The following SOX8 variants were observed in gnomAD, a reference collection of about 807,000 sequenced individuals.
SOX8 encodes SRY-box transcription factor 8.
Under a neutral mutation model 22.9 loss-of-function variants are expected in SOX8, and 9 were observed. The ratio of observed to expected loss-of-function variants is 0.39; its 90% CI spans 0.24 to 0.69. SOX8 has a LOEUF of 0.69. Ranked by LOEUF, SOX8 falls within the 30% of genes least tolerant of loss-of-function variation. The pLI is 0.43. For synonymous variants in SOX8, 416 were observed against 330.6 expected (o/e 1.26, Z -2.80); for missense variants, 734 against 699.4 (o/e 1.05, Z -0.56).
At chr16:982,946 T>G (rs1478345500) in intron 1 of SOX8, 1 of 152,432 alleles carries the variant, frequency 6.6e-6, no homozygotes, top group Non-Finnish European at 1.5e-5. Context: ...CTTGGCGTGG[T>G]GGGGCCGGTC....
chr16:984,079 C>A, intron 2 of SOX8, 119 bp downstream of exon 2: 1 of 916,550 alleles, frequency 1.1e-6, no homozygotes, highest in Non-Finnish European at 1.5e-6. Context: ...AGAACCGGGC[C>A]TTCCCCGGGT....
chr16:984,503 A>C (rs71380229), intron 2 of SOX8, among the ~76,000 whole-genome samples, 198 bp from the exon 3 acceptor site: 12,923 of 152,182 alleles, frequency 0.085, 641 homozygotes, highest in African/African-American at 0.1. Context: ...CTCATAGCAC[A>C]GCGCTTCATG....
chr16:983,539 C>G (rs1405859079), intron 1 of SOX8, 189 bp from the exon 2 acceptor site: 2 of 502,092 alleles, frequency 4.0e-6, no homozygotes, highest in Non-Finnish European at 7.0e-6. Flanking sequence ...CCCAAACAGG[C>G]GCCGGCCGGT....
chr16:982,284 C>T lies in SOX8; in HGVS notation c.362C>T (p.Ala121Val). The change falls in exon 1 of 3, where the codon GCC becomes GTC. Residue 121 changes from alanine to valine, a missense_variant. Coordinates refer to ENST00000293894, the MANE Select transcript of SOX8 (RefSeq NM_014587.5). ...VWAQAARRKL[A>V]DQYPHLHNAE... ...GCGCAGGCGGCGCGCCGCAAGCTGG[C>T]CGACCAGTACCCGCACCTGCACAAC... 2 of 1,517,654 alleles carry T rather than the reference C, an allele frequency of 1.3e-6. No individual in the cohort carries two copies. The highest frequency in any genetic ancestry group is 8.8e-7 in the Non-Finnish European group (1 of 1,133,826). The allele number at this position is 1,517,654 out of a possible 1,614,324, so 94.0% of individuals were successfully genotyped here. A position where few individuals can be genotyped will look rare whatever the true frequency, so the allele number is the denominator to read the frequency against.
intron 2 of SOX8, 75 bp from the exon 3 acceptor site, chr16:984,626 C>T: frequency 1.3e-5 from 12 of 942,772 alleles, no homozygotes; most frequent in Non-Finnish European, 1.7e-5. Flanking sequence ...GGCGTCCCTC[C>T]CCTTCCAGCC....
chr16:983,890 C>A lies in SOX8; in HGVS notation c.585C>A (p.His195Gln), dbSNP rs372775697. 207 of 1,607,742 alleles carry A rather than the reference C, an allele frequency of 1.3e-4. No homozygotes were observed. The highest frequency in any genetic ancestry group is 1.7e-4 in the Non-Finnish European group (203 of 1,177,400). The change falls in exon 2 of 3, where the codon CAC becomes CAA. Residue 195 changes from histidine (H) to glutamine (Q), a missense_variant. Physicochemically the swap from His to Gln is conservative, Grantham distance 24 (BLOSUM62 0). Transcript: ENST00000293894. ...ACTCGGGCGCGGAGCTGGGACCCCA[C>A]CCTGGCGGCGGTGCCGTGTACAAGG... The part of the protein sequence containing the change: ...DSDSGAELGP[H>Q]PGGGAVYKAE...
chr16:983,979 G>A lies in SOX8; in HGVS notation c.655+19G>A, dbSNP rs376039627. ...CACACAGGTGGGCTCCAGGCCCCCC[G>A]CATATCTGAGGGTCCCTGTATGGGA... On this transcript the variant is annotated intron_variant, in intron 2 of 2. Coordinates refer to ENST00000293894, the MANE Select transcript of SOX8 (RefSeq NM_014587.5). 34 of 1,480,028 alleles carry A rather than the reference G, an allele frequency of 2.3e-5. No individual in the cohort carries two copies. The highest frequency in any genetic ancestry group is 2.6e-5 in the Non-Finnish European group (29 of 1,105,108). The allele number at this position is 1,480,028 out of a possible 1,614,324, so 91.7% of individuals were successfully genotyped here. A position where few individuals can be genotyped will look rare whatever the true frequency, so the allele number is the denominator to read the frequency against.
chr16:982,357 G>T lies in SOX8; in HGVS notation c.422+13G>T. The T allele has an allele frequency of 1.5e-6, 2 of 1,342,204 alleles. No individual in the cohort carries two copies. The highest frequency in any genetic ancestry group is 1.9e-6 in the Non-Finnish European group (2 of 1,042,418). 83.1% of individuals were successfully genotyped at this position (1,342,204 alleles called of 1,614,324 possible). A position where few individuals can be genotyped will look rare whatever the true frequency, so the allele number is the denominator to read the frequency against. ...GCAAGCTGTGGCGGTGAGTGCCGGC[G>T]CCCCGGGGGCGGGGTTCGGGACCTT... On this transcript the variant is annotated intron_variant, in intron 1 of 2. Coordinates refer to ENST00000293894, the MANE Select transcript of SOX8 (RefSeq NM_014587.5).
Position 985,438 on chromosome 16 carries a change from G to A in SOX8, c.*52G>A, listed in dbSNP as rs1596201624. The A allele has an allele frequency of 2.8e-6, 4 of 1,418,002 alleles. No homozygotes were observed. Among genetic ancestry groups the A allele is most frequent in the Non-Finnish European group, 2.8e-6 (3 of 1,067,512 alleles). The allele number at this position is 1,418,002 out of a possible 1,614,324, so 87.8% of individuals were successfully genotyped here. A position where few individuals can be genotyped will look rare whatever the true frequency, so the allele number is the denominator to read the frequency against. On this transcript the variant is annotated 3_prime_UTR_variant, in exon 3 of 3. Coordinates refer to ENST00000293894, the MANE Select transcript of SOX8 (RefSeq NM_014587.5). ...AGGCGTCAGGGGGCAGCCTTGTCCC[G>A]GCCCAGTGTGTGTGACCAGGGCGGG...
chr16:985,097 A>T lies in SOX8; in HGVS notation c.1052A>T (p.Gln351Leu), dbSNP rs1157979017. Residue 351 changes from glutamine (Q) to leucine (L), a missense_variant, in exon 3 of 3, where the codon CAG becomes CTG. Physicochemically the swap from Gln to Leu is moderately radical, Grantham distance 113. Transcript: ENST00000293894. ...CCGAGCCCCGGCCACTACGGCGACC[A>T]GCCCCGAGGCTCGCCCGACTACGGT... The part of the protein sequence containing the change: ...EQPSPGHYGD[Q>L]PRGSPDYGSC... 6.3e-7 allele frequency: 1 copy of T among 1,591,290 alleles called. No homozygotes were observed. Among genetic ancestry groups the T allele is most frequent in the South Asian group, 1.1e-5 (1 of 89,854 alleles).
At chr16:984,103 T>C (rs922674172) in intron 2 of SOX8, 143 bp downstream of exon 2, 8 of 743,578 alleles carry the variant, frequency 1.1e-5, no homozygotes, top group Admixed American at 3.4e-5. Context: ...CTGAAAAAGC[T>C]CCCAAGGCCC....
rs2073458660 is a variant in SOX8, at chr16:986,048, T to TG, written c.*663dup. 1 of 152,262 alleles carries TG rather than the reference T, an allele frequency of 6.6e-6. No individual in the cohort carries two copies. The highest frequency in any genetic ancestry group is 1.5e-5 in the Non-Finnish European group (1 of 68,058). 9.4% of individuals were successfully genotyped at this position (152,262 alleles called of 1,614,324 possible). On this transcript the variant is annotated 3_prime_UTR_variant, in exon 3 of 3. Coordinates refer to ENST00000293894, the MANE Select transcript of SOX8 (RefSeq NM_014587.5). ...TGTTTCTTCTGAAAGCTGTTAAAGA[T>TG]GTATTTATGTTCTGTGTTATTTTAT...
In SOX8 at chr16:985,323, G is replaced by T. The variant is rs745555928; in HGVS notation, c.1278G>T (p.Pro426=). The T allele has an allele frequency of 3.3e-5, 53 of 1,598,304 alleles. No homozygotes were observed. The highest frequency in any genetic ancestry group is 4.5e-5 in the Non-Finnish European group (53 of 1,176,398). Residue 426 remains proline (P), a synonymous_variant, in exon 3 of 3, where the codon CCG becomes CCT. Coordinates refer to ENST00000293894, the MANE Select transcript of SOX8 (RefSeq NM_014587.5). ...CCCTGCTCAACGGCCTGGCCCTGCC[G>T]CCCGCCCACAGCCCCACCAGTCACT... ...ASPLLNGLAL[P]PAHSPTSHWD... is the part of the protein sequence containing the mutation.
Position 985,275 on chromosome 16 carries a change from GC to G in SOX8, c.1232del (p.Pro411ArgfsTer33). On this transcript the variant is annotated frameshift_variant, in exon 3 of 3. Transcript: ENST00000293894. LOFTEE classifies it high-confidence loss of function. ...GLYQYPCFHS[P>X]RRPYASPLLN... The stretch of plus-strand genomic sequence containing the variant: ...TCTACCAGTACCCCTGCTTCCACTC[GC>G]CGCGCCGGCCCTACGCCTCACCCCT... 6.2e-7 allele frequency: 1 copy of G among 1,611,466 alleles called. No homozygotes were observed. Among genetic ancestry groups the G allele is most frequent in the Non-Finnish European group, 8.5e-7 (1 of 1,179,552 alleles).
At position 984,748 on chromosome 16, in the gene SOX8, C is replaced by G; in HGVS notation, c.703C>G (p.Leu235Val). 1.3e-6 allele frequency: 2 copies of G among 1,592,350 alleles called. No homozygotes were observed. The highest frequency in any genetic ancestry group is 8.5e-7 in the Non-Finnish European group (1 of 1,171,846). The change falls in exon 3 of 3, where the codon CTG becomes GTG. Residue 235 changes from leucine (L) to valine (V), a missense_variant. Leu to Val is a conservative substitution (Grantham distance 32). Around this residue, in one of 3 missense-constraint regions of SOX8, gnomAD observed 588 missense variants for 568.2 expected, o/e 1.03. Transcript: ENST00000293894. Reference sequence around the variant, plus strand: ...CCCGCCCACCACCCCCAAGACGGAGCTGCAGCAGGCGGGCGCCAAGCCGGA... The same window carrying G: ...CCCGCCCACCACCCCCAAGACGGAGGTGCAGCAGGCGGGCGCCAAGCCGGA... ...PTPPTTPKTE[L>V]QQAGAKPELK...
At chr16:983,090 C>T (rs2073418846) in intron 1 of SOX8, 1 of 152,378 alleles carries the variant, frequency 6.6e-6, no homozygotes, top group South Asian at 2.1e-4. Context: ...CTGCTCCTCA[C>T]CTGGAAGAAG....
Position 981,782 on chromosome 16 carries a change from TCGG to T in SOX8, c.-121_-119del, listed in dbSNP as rs534559480. The T allele has an allele frequency of 8.5e-3, 2,076 of 243,180 alleles. 22 individuals carry two copies. Among genetic ancestry groups the T allele is most frequent in the African/African-American group, 0.029 (1,213 of 41,336 alleles). 15.1% of individuals were successfully genotyped at this position (243,180 alleles called of 1,614,324 possible). On this transcript the variant is annotated 5_prime_UTR_variant, in exon 1 of 3. Transcript: ENST00000293894. ...CGGGTCCCGCAGCGGGACCCGAGCC[TCGG>T]CGGCGGCGGCGGCGGCGGCAGGGGC...
Position 983,931 on chromosome 16 carries a change from G to T in SOX8, c.626G>T (p.Gly209Val). Residue 209 changes from glycine to valine, a missense_variant, in exon 2 of 3, where the codon GGA becomes GTA. Physicochemically the swap from Gly to Val is moderately radical, Grantham distance 109 (BLOSUM62 -3). Coordinates refer to ENST00000293894, the MANE Select transcript of SOX8 (RefSeq NM_014587.5). The part of the protein sequence containing the change: ...GAVYKAEAGL[G>V]DGHHHGDHTG... ...GTGTACAAGGCTGAAGCAGGGCTTG[G>T]AGATGGGCACCACCATGGCGACCAC... The T allele has an allele frequency of 6.4e-7, 1 of 1,564,498 alleles. No individual in the cohort carries two copies. The highest frequency in any genetic ancestry group is 8.7e-7 in the Non-Finnish European group (1 of 1,152,478).
chr16:985,146 C>T lies in SOX8; in HGVS notation c.1101C>T (p.Ala367=). ...DYGSCSGQSS[A]TPAAPAGPFA... is the part of the protein sequence containing the mutation. The stretch of plus-strand genomic sequence containing the variant: ...GTTCCTGCAGCGGCCAGTCCAGCGC[C>T]ACCCCGGCCGCCCCCGCCGGCCCCT... Residue 367 remains alanine, a synonymous_variant, in exon 3 of 3, where the codon GCC becomes GCT. Coordinates refer to ENST00000293894, the MANE Select transcript of SOX8 (RefSeq NM_014587.5). 6.2e-7 allele frequency: 1 copy of T among 1,603,106 alleles called. No homozygotes were observed. The highest frequency in any genetic ancestry group is 8.5e-7 in the Non-Finnish European group (1 of 1,176,314).
Sources: allele counts gnomAD v4.1 joint callset (sites outside exome capture counted in the v4.1 genomes callset), GRCh38; gene constraint gnomAD v4.1.1; regional missense constraint gnomAD v4.1.1; transcripts MANE v1.5; gene names NCBI Gene and HGNC (gene_info 2026-07-23, HGNC 2026-07-21).